Variants in PGM5 observed in about 807,000 individuals in gnomAD.
PGM5 encodes the protein phosphoglucomutase 5.
In PGM5, 23 loss-of-function variants were observed where a neutral mutation model predicts 59.2. The observed-to-expected ratio is 0.39, with a 90% confidence interval of 0.28 to 0.55. The LOEUF (loss-of-function observed/expected upper bound fraction) is 0.55, where lower values mean the gene tolerates loss of function less well. PGM5 is among the 20% of genes least tolerant of loss of function. The pLI is 0.66. For missense variants in PGM5, 574 were observed against 748.3 expected, an observed-to-expected ratio of 0.77 and a Z score of 2.72; for synonymous variants, 214 against 286.0, an observed-to-expected ratio of 0.75 and a Z score of 2.54.
intron 2 of PGM5, among the ~76,000 whole-genome samples, chr9:68,383,991 A>G (rs1822150186): frequency 6.6e-6 from 1 of 151,992 alleles, no homozygotes; most frequent in African/African-American, 2.4e-5. Context: ...CTCCTCTTCT[A>G]GATGCACTGG....
rs1821972545 is a variant in PGM5, at chr9:68,378,183, T to G, written c.262-16T>G. On this transcript the variant is annotated splice_polypyrimidine_tract_variant and intron_variant, in intron 1 of 10. Coordinates refer to ENST00000396396, the MANE Select transcript of PGM5 (RefSeq NM_021965.4). ...TCCCAAGGAACTGGATTGATTTTTTTTTTTGGATGGTTTAGATTGGACGAC... is the reference window on the plus strand; with the variant it reads ...TCCCAAGGAACTGGATTGATTTTTTGTTTTGGATGGTTTAGATTGGACGAC... 3 of 1,512,836 alleles carry G rather than the reference T, an allele frequency of 2.0e-6. No homozygotes were observed. The highest frequency in any genetic ancestry group is 2.7e-6 in the Non-Finnish European group (3 of 1,132,050). 93.7% of individuals were successfully genotyped at this position (1,512,836 alleles called of 1,614,324 possible). A position where few individuals can be genotyped will look rare whatever the true frequency, so the allele number is the denominator to read the frequency against.
intron 3 of PGM5, among the ~76,000 whole-genome samples, chr9:68,386,907 C>T (rs1161205650): frequency 2.6e-5 from 4 of 151,796 alleles, no homozygotes; most frequent in Non-Finnish European, 5.9e-5. Context: ...AAATTGGGTG[C>T]TAGATTGGGC....
chr9:68,502,775 C>T (rs765875370), intron 10 of PGM5, among the ~76,000 whole-genome samples: 10 of 152,140 alleles, frequency 6.6e-5, no homozygotes, highest in Non-Finnish European at 1.2e-4. Flanking sequence ...CTGTAACCTC[C>T]ACCTCTTGGA....
intron 6 of PGM5, among the ~76,000 whole-genome samples, chr9:68,433,804 TA>T (rs1243687369): frequency 6.6e-6 from 1 of 152,214 alleles, no homozygotes; most frequent in Admixed American, 6.5e-5. Flanking sequence ...AATACATAAA[TA>T]AAATGAAGAG....
At chr9:68,520,294 T>C (rs1824883315) in intron 10 of PGM5, among the ~76,000 whole-genome samples, 1 of 151,294 alleles carries the variant, frequency 6.6e-6, no homozygotes, top group Non-Finnish European at 1.5e-5. Context: ...ATAAAAGAGT[T>C]AAATCCCCCA....
At chr9:68,497,725 A>C (rs1824504147) in intron 9 of PGM5, 1 of 152,222 alleles carries the variant, frequency 6.6e-6, no homozygotes, top group Non-Finnish European at 1.5e-5. Context: ...GAGACATAGA[A>C]GTTTTCCAAA....
chr9:68,492,474 C>T (rs1300503408), intron 9 of PGM5, among the ~76,000 whole-genome samples: 1 of 152,136 alleles, frequency 6.6e-6, no homozygotes, highest in Non-Finnish European at 1.5e-5. Context: ...AATTGTTAGC[C>T]CCCAAGAAGG....
chr9:68,391,487 G>A (rs1822362164), intron 4 of PGM5, 47 bp from the exon 5 acceptor site: 2 of 1,599,924 alleles, frequency 1.3e-6, no homozygotes, highest in Non-Finnish European at 8.6e-7. Context: ...AATACTCTGG[G>A]GAGAAGGTTC....
At chr9:68,401,638 C>A (rs1195331812) in intron 6 of PGM5, among the ~76,000 whole-genome samples, 1 of 151,578 alleles carries the variant, frequency 6.6e-6, no homozygotes, top group African/African-American at 2.4e-5. Context: ...CAGTCTCGAA[C>A]ATGTGGCGTG....
chr9:68,491,740 G>T (rs1315687329), intron 9 of PGM5, among the ~76,000 whole-genome samples: 1 of 152,202 alleles, frequency 6.6e-6, no homozygotes, highest in African/African-American at 2.4e-5. Flanking sequence ...AATGGCTTAT[G>T]CCTGTAGTCC....
chr9:68,500,235 C>T (rs1194992057), intron 10 of PGM5, among the ~76,000 whole-genome samples: 2 of 152,086 alleles, frequency 1.3e-5, no homozygotes, highest in Non-Finnish European at 2.9e-5. Context: ...TATAATTTGC[C>T]CTGATGGAGT....
At chr9:68,511,112 G>T (rs1386600834) in intron 10 of PGM5, among the ~76,000 whole-genome samples, 3 of 152,206 alleles carry the variant, frequency 2.0e-5, no homozygotes, top group Non-Finnish European at 2.9e-5. Context: ...AAGGGAAGGG[G>T]ATTCTCTACA....
chr9:68,450,389 G>A (rs1359359963), intron 6 of PGM5, among the ~76,000 whole-genome samples: 3 of 152,122 alleles, frequency 2.0e-5, no homozygotes, highest in Admixed American at 2.0e-4. Flanking sequence ...TAGCACCCCA[G>A]GTGGTTCTTA....
chr9:68,417,721 C>T (rs1823058596), intron 6 of PGM5, among the ~76,000 whole-genome samples: 2 of 152,148 alleles, frequency 1.3e-5, no homozygotes, highest in African/African-American at 4.8e-5. Flanking sequence ...CAGCTATAGC[C>T]GCTGAGGCCT....
intron 9 of PGM5, among the ~76,000 whole-genome samples, chr9:68,487,357 A>G (rs2132095741): frequency 6.6e-6 from 1 of 152,066 alleles, no homozygotes; most frequent in Admixed American, 6.6e-5. Context: ...ATGCTCAAGA[A>G]ATATCAGTTC....
intron 6 of PGM5, chr9:68,406,164 T>C (rs1822804900): frequency 6.6e-6 from 1 of 152,180 alleles, no homozygotes; most frequent in Non-Finnish European, 1.5e-5. Flanking sequence ...TGGGGTTGAA[T>C]TCTAACTCCT....
At chr9:68,486,232 T>C (rs7848245) in intron 9 of PGM5, among the ~76,000 whole-genome samples, 7,495 of 152,252 alleles carry the variant, frequency 0.049, 628 homozygotes, top group African/African-American at 0.17. Flanking sequence ...TTGTTTTTTT[T>C]CATGGTACAG....
At chr9:68,383,601 CAAGT>C (rs1452089120) in intron 2 of PGM5, among the ~76,000 whole-genome samples, 1 of 150,920 alleles carries the variant, frequency 6.6e-6, no homozygotes, top group East Asian at 2.0e-4. Flanking sequence ...GTATAGTTGA[CAAGT>C]AAGATTCATA....
chr9:68,482,578 AT>A (rs1824215766), intron 8 of PGM5, among the ~76,000 whole-genome samples: 1 of 152,224 alleles, frequency 6.6e-6, no homozygotes, highest in Non-Finnish European at 1.5e-5. Context: ...AGTAACAACT[AT>A]TCAGAGCTTC....
Sources: gnomAD v4.1 joint callset for allele counts (sites outside exome capture counted in the v4.1 genomes callset) on GRCh38, gnomAD v4.1.1 for gene constraint, MANE v1.5 for transcripts, NCBI Gene and HGNC (gene_info 2026-07-23, HGNC 2026-07-21) for gene names.